WNT7B: variants seen among roughly 807,000 people sequenced by gnomAD.
The protein encoded by WNT7B is protein Wnt-7b.
Under a neutral mutation model 38.2 loss-of-function variants are expected in WNT7B, and 19 were observed. The observed-to-expected ratio is 0.50, with a 90% CI of 0.35 to 0.73. The LOEUF (loss-of-function observed/expected upper bound fraction) is 0.73. Among genes scored for constraint, WNT7B ranks in the 30% least tolerant of loss-of-function variants. The probability of loss-of-function intolerance (pLI) is 0.01; values close to 1 mark genes in which losing one functional copy is unlikely to be tolerated. For synonymous variants in WNT7B, 243 were observed against 209.3 expected (o/e 1.16, Z -1.39); for missense variants, 423 against 507.9 (o/e 0.83, Z 1.61).
In WNT7B at chr22:45,931,265, G is replaced by C; in HGVS notation, c.403C>G (p.Arg135Gly). The C allele has an allele frequency of 6.3e-7, 1 of 1,598,782 alleles. No individual in the cohort carries two copies. Among genetic ancestry groups the C allele is most frequent in the South Asian group, 1.1e-5 (1 of 91,076 alleles). The change falls in exon 3 of 4, where the codon CGC becomes GGC. Residue 135 changes from arginine to glycine, a missense_variant. Around this residue, in one of 3 missense-constraint regions of WNT7B, gnomAD observed 132 missense variants for 113.4 expected, o/e 1.16. Transcript: ENST00000339464. ...TGGTTGTAGTAGCCCTGCTTCTCGC[G>C]GTCGCAGCCGCAGTTGCTCAGGTTC... Reference protein sequence around the residue: ...QGNLSNCGCDREKQGYYNQAE... With the variant: ...QGNLSNCGCDGEKQGYYNQAE...
intron 1 of WNT7B, among the ~76,000 whole-genome samples, chr22:45,959,092 C>T (rs1932136642): frequency 6.6e-6 from 1 of 152,214 alleles, no homozygotes; most frequent in Non-Finnish European, 1.5e-5. Context: ...CCTCAGCTGT[C>T]ACCGCAGAAT....
intron 1 of WNT7B, among the ~76,000 whole-genome samples, chr22:45,957,166 C>G (rs55769859): frequency 0.1 from 15,715 of 150,006 alleles, 937 homozygotes; most frequent in Middle Eastern, 0.16. Context: ...ACAGAAATCA[C>G]AATAGTTACC....
intron 1 of WNT7B, among the ~76,000 whole-genome samples, chr22:45,956,014 G>A (rs1363517231): frequency 6.6e-6 from 1 of 152,174 alleles, no homozygotes; most frequent in African/African-American, 2.4e-5. Flanking sequence ...CCAGGAGGAG[G>A]TGGCTGCGGT....
chr22:45,929,389 CATCCATCCTTCCATCCACCCGTGA>C (rs916556146), intron 3 of WNT7B, among the ~76,000 whole-genome samples: 4 of 145,192 alleles, frequency 2.8e-5, no homozygotes, highest in Admixed American at 2.0e-4. Flanking sequence ...CCCACTCACC[CATCCATCCTTCCATCCACCCGTGA>C]ATCCACTCAT....
intron 3 of WNT7B, among the ~76,000 whole-genome samples, chr22:45,929,950 A>T (rs1181153393): frequency 6.6e-6 from 1 of 150,414 alleles, no homozygotes; most frequent in Non-Finnish European, 1.5e-5. Context: ...CCTTCCATCC[A>T]TCCACTCATA....
At chr22:45,925,125 C>T (rs1286469104) in intron 3 of WNT7B, 2 of 970,842 alleles carry the variant, frequency 2.1e-6, no homozygotes, top group African/African-American at 3.7e-5. Context: ...GCTGGGTGGG[C>T]CCTAGGCTGG....
At chr22:45,953,554 A>AAC (rs1913887387) in intron 1 of WNT7B, among the ~76,000 whole-genome samples, 1 of 152,202 alleles carries the variant, frequency 6.6e-6, no homozygotes, top group Non-Finnish European at 1.5e-5. Context: ...CAAAAAGACA[A>AAC]ACAACCCAGT....
chr22:45,923,430 G>C, intron 3 of WNT7B, 95 bp from the exon 4 acceptor site: 1 of 1,481,556 alleles, frequency 6.7e-7, no homozygotes, highest in Non-Finnish European at 8.9e-7. Flanking sequence ...CCTGGAGCCC[G>C]CTCCTCCCCT....
At chr22:45,929,811 T>C (rs76355231) in intron 3 of WNT7B, among the ~76,000 whole-genome samples, 27 of 88,392 alleles carry the variant, frequency 3.1e-4, no homozygotes, top group South Asian at 1.2e-3. Context: ...CATCTACCCA[T>C]CCATCTATCT....
At chr22:45,928,816 C>T (rs1307750883) in intron 3 of WNT7B, among the ~76,000 whole-genome samples, 6 of 152,170 alleles carry the variant, frequency 3.9e-5, no homozygotes, top group Admixed American at 2.6e-4. Flanking sequence ...CAGAGACCAA[C>T]ACCACCCTAC....
intron 1 of WNT7B, among the ~76,000 whole-genome samples, chr22:45,955,670 G>A (rs1932041787): frequency 6.6e-6 from 1 of 152,230 alleles, no homozygotes; most frequent in Admixed American, 6.5e-5. Flanking sequence ...CCCCTGCACT[G>A]AATGGGGCCT....
At position 45,922,877 on chromosome 22, in the gene WNT7B, G is replaced by C; in HGVS notation, c.1029C>G (p.Thr343=). 2 of 1,602,630 alleles carry C rather than the reference G, an allele frequency of 1.2e-6. No individual in the cohort carries two copies. The highest frequency in any genetic ancestry group is 1.7e-6 in the Non-Finnish European group (2 of 1,171,394). Residue 343 remains threonine (T), a synonymous_variant, in exon 4 of 4, where the codon ACC becomes ACG. Transcript: ENST00000339464. ...FVKCNTCSER[T]EVFTCK ...GGCCTCACTTGCAGGTGAAGACCTC[G>C]GTGCGCTCGCTGCAGGTGTTGCACT...
At chr22:45,961,957 G>A (rs866845690) in intron 1 of WNT7B, among the ~76,000 whole-genome samples, 35 of 152,134 alleles carry the variant, frequency 2.3e-4, no homozygotes, top group Middle Eastern at 3.4e-3. Context: ...CCACAGTCCC[G>A]CCTGCCACTC....
At chr22:45,937,620 C>T (rs1349104996) in intron 2 of WNT7B, among the ~76,000 whole-genome samples, 1 of 152,242 alleles carries the variant, frequency 6.6e-6, no homozygotes, top group Non-Finnish European at 1.5e-5. Flanking sequence ...GGAGGCAGTG[C>T]CCGCCAGCTG....
intron 3 of WNT7B, chr22:45,925,747 A>G: frequency 2.0e-6 from 2 of 985,300 alleles, no homozygotes; most frequent in Non-Finnish European, 2.4e-6. Context: ...CCACCCCAGG[A>G]GCTGCCCTGA....
intron 3 of WNT7B, chr22:45,926,374 C>T (rs1024396013): frequency 3.5e-5 from 34 of 985,254 alleles, no homozygotes; most frequent in Middle Eastern, 5.2e-4. Context: ...TCCTCCTCGA[C>T]GCTGGGGGCC....
chr22:45,940,513 G>A (rs1931619312), intron 2 of WNT7B, among the ~76,000 whole-genome samples: 1 of 152,324 alleles, frequency 6.6e-6, no homozygotes, highest in Admixed American at 6.5e-5. Context: ...TGTGTCCCTG[G>A]CACCAAGTAC....
intron 1 of WNT7B, among the ~76,000 whole-genome samples, chr22:45,964,977 C>T (rs1932280253): frequency 6.6e-6 from 1 of 152,180 alleles, no homozygotes; most frequent in Admixed American, 6.5e-5. Context: ...TCCCCATCCT[C>T]CACCTCATTG....
In WNT7B at chr22:45,931,207, G is replaced by A; in HGVS notation, c.461C>T (p.Ala154Val). 1.3e-6 allele frequency: 2 copies of A among 1,599,322 alleles called. No homozygotes were observed. Among genetic ancestry groups the A allele is most frequent in the Non-Finnish European group, 1.7e-6 (2 of 1,179,818 alleles). Residue 154 changes from alanine (A) to valine (V), a missense_variant, in exon 3 of 4, where the codon GCC becomes GTC. By Grantham distance (64) the Ala-to-Val change is moderately conservative. This residue lies in a region of WNT7B where 132 missense variants were observed against 113.4 expected (regional missense o/e 1.16). Transcript: ENST00000339464. Reference sequence around the variant, plus strand: ...GAAGTCGATGCCGTAACGCACGTCGGCCGAGCAGCCGCCCCACTTCCAGCC... The same window carrying A: ...GAAGTCGATGCCGTAACGCACGTCGACCGAGCAGCCGCCCCACTTCCAGCC... ...AEGWKWGGCS[A>V]DVRYGIDFSR...
Sources: allele counts gnomAD v4.1 joint callset (sites outside exome capture counted in the v4.1 genomes callset), GRCh38; gene constraint gnomAD v4.1.1; regional missense constraint gnomAD v4.1.1; transcripts MANE v1.5; gene names NCBI Gene and HGNC (gene_info 2026-07-23, HGNC 2026-07-21).